The following RFX4 variants were observed in gnomAD, a reference collection of about 807,000 sequenced individuals.
The protein encoded by RFX4 is regulatory factor X4, also known as transcription factor RFX4.
RFX4 carries 10 observed loss-of-function variants against 95.0 expected under a neutral mutation model. That is an observed-to-expected ratio of 0.11 (90% confidence interval 0.06 to 0.18). The LOEUF (loss-of-function observed/expected upper bound fraction) is 0.18, where lower values mean the gene tolerates loss of function less well. RFX4 is among the 10% of genes least tolerant of loss of function. The pLI is 1.00. For synonymous variants in RFX4, 321 were observed against 340.7 expected (o/e 0.94, Z 0.64); for missense variants, 640 against 922.0 (o/e 0.69, Z 3.96).
chr12:106,603,198 C>T (rs958059453), intron 1 of RFX4, among the ~76,000 whole-genome samples: 5 of 152,202 alleles, frequency 3.3e-5, no homozygotes, highest in African/African-American at 1.2e-4. Context: ...TAGGCCCTCC[C>T]TGCCAGGTCA....
chr12:106,748,819 C>G (rs937757005), intron 16 of RFX4, among the ~76,000 whole-genome samples: 1 of 152,062 alleles, frequency 6.6e-6, no homozygotes, highest in African/African-American at 2.4e-5. Flanking sequence ...GGCGCAGTGG[C>G]TCACACCTGT....
chr12:106,690,266 A>G (rs556353475), intron 7 of RFX4, among the ~76,000 whole-genome samples: 10 of 152,234 alleles, frequency 6.6e-5, no homozygotes, highest in Non-Finnish European at 1.3e-4. Context: ...GTAAAGAAGT[A>G]CTGTTCTTCC....
intron 15 of RFX4, among the ~76,000 whole-genome samples, chr12:106,743,271 A>G (rs1429115536): frequency 6.6e-6 from 1 of 152,240 alleles, no homozygotes; most frequent in Non-Finnish European, 1.5e-5. Flanking sequence ...GAATTGTCTT[A>G]AAAACTAAGC....
Position 106,720,955 on chromosome 12 carries a change from A to C in RFX4, c.1351+79A>C. 2 of 1,241,064 alleles carry C rather than the reference A, an allele frequency of 1.6e-6. No individual in the cohort carries two copies. Among genetic ancestry groups the C allele is most frequent in the Non-Finnish European group, 2.4e-6 (2 of 849,086 alleles). 76.9% of individuals were successfully genotyped at this position (1,241,064 alleles called of 1,614,324 possible). A position where few individuals can be genotyped will look rare whatever the true frequency, so the allele number is the denominator to read the frequency against. On this transcript the variant is annotated intron_variant, in intron 13 of 17. Coordinates refer to ENST00000392842, the MANE Select transcript of RFX4 (RefSeq NM_213594.3). This position sits in a 1 kb window ranked among gnomAD's most constrained non-coding sequence, Gnocchi z 4.2. ...AGCCCAGAGGAATCTACCACAGTCTAACTTGCTGTTTCTGCAAGGTCATCA... is the reference window on the plus strand; with the variant it reads ...AGCCCAGAGGAATCTACCACAGTCTCACTTGCTGTTTCTGCAAGGTCATCA...
At chr12:106,646,612 G>A (rs1472244040) in intron 3 of RFX4, among the ~76,000 whole-genome samples, 2 of 152,002 alleles carry the variant, frequency 1.3e-5, no homozygotes, top group African/African-American at 4.8e-5. Context: ...CATTACAATG[G>A]CAGGAATAAA....
intron 8 of RFX4, among the ~76,000 whole-genome samples, chr12:106,699,530 G>T (rs1460391573): frequency 6.6e-6 from 1 of 152,064 alleles, no homozygotes; most frequent in East Asian, 1.9e-4. Context: ...TTGTGAATTT[G>T]TCTATTTCTA....
At chr12:106,732,354 A>G in intron 14 of RFX4, 105 bp downstream of exon 14, 3 of 1,465,612 alleles carry the variant, frequency 2.0e-6, no homozygotes, top group Non-Finnish European at 2.8e-6. Flanking sequence ...GAATTTAGTT[A>G]TGGTGAACAG....
rs543146322 is a variant in RFX4 at position 106,607,632 on chromosome 12, G to A, written c.44-1165G>A. On this transcript the variant is annotated intron_variant, in intron 1 of 17. Coordinates refer to ENST00000392842, the MANE Select transcript of RFX4 (RefSeq NM_213594.3). ...CTAATTTTTTTATGAAATAAATGGAGCATAAAAAGACACAAAGTTTGCACT... is the reference window on the plus strand; with the variant it reads ...CTAATTTTTTTATGAAATAAATGGAACATAAAAAGACACAAAGTTTGCACT... Among the ~76,000 whole-genome samples the A allele has an allele frequency of 4.7e-4, 72 of 152,244 alleles. 2 individuals are homozygous for A. In the South Asian group the frequency reaches 0.015, roughly 31 times the overall value.
chr12:106,623,458 T>C (rs567927852), intron 2 of RFX4, among the ~76,000 whole-genome samples: 1 of 152,330 alleles, frequency 6.6e-6, no homozygotes, highest in Admixed American at 6.5e-5. Flanking sequence ...TCATCACCCC[T>C]GCTTAGTGAT....
At chr12:106,591,466 C>G (rs1219077606) in intron 1 of RFX4, among the ~76,000 whole-genome samples, 1 of 151,976 alleles carries the variant, frequency 6.6e-6, no homozygotes, top group Non-Finnish European at 1.5e-5. Context: ...TGGGGTTTCA[C>G]TATGTTGGCC....
intron 15 of RFX4, among the ~76,000 whole-genome samples, chr12:106,734,973 G>T (rs1032674425): frequency 1.3e-5 from 2 of 151,014 alleles, no homozygotes; most frequent in Non-Finnish European, 2.9e-5. Context: ...AGGATCATTT[G>T]ATCGTAGGAG....
intron 4 of RFX4, among the ~76,000 whole-genome samples, chr12:106,671,401 G>A (rs541864606): frequency 6.8e-4 from 103 of 152,240 alleles, no homozygotes; most frequent in African/African-American, 2.3e-3. Flanking sequence ...CTCTGGGGGT[G>A]TCTCTTGAGG....
intron 2 of RFX4, among the ~76,000 whole-genome samples, chr12:106,627,773 AGAG>A (rs1170601757): frequency 2.0e-5 from 3 of 152,094 alleles, no homozygotes; most frequent in Non-Finnish European, 2.9e-5. Context: ...TCTGTTGTGG[AGAG>A]GAGAAGACTA....
intron 7 of RFX4, among the ~76,000 whole-genome samples, chr12:106,690,255 G>A (rs940475065): frequency 6.6e-6 from 1 of 152,076 alleles, no homozygotes; most frequent in African/African-American, 2.4e-5. Flanking sequence ...GGAGTGTGTT[G>A]GTAAAGAAGT....
intron 5 of RFX4, 26 bp downstream of exon 5, chr12:106,682,080 T>G (rs1197953348): frequency 6.2e-7 from 1 of 1,613,162 alleles, no homozygotes; most frequent in African/African-American, 1.3e-5. Context: ...CCATTCCACC[T>G]GCAGAGCGCA....
intron 1 of RFX4, among the ~76,000 whole-genome samples, chr12:106,599,283 G>A (rs2039665007): frequency 6.6e-6 from 1 of 151,904 alleles, no homozygotes; most frequent in Admixed American, 6.6e-5. Flanking sequence ...AGTGGGAAAG[G>A]GCAGCCACAT....
intron 5 of RFX4, among the ~76,000 whole-genome samples, chr12:106,686,552 C>T (rs533695915): frequency 2.2e-4 from 33 of 152,212 alleles, no homozygotes; most frequent in Middle Eastern, 3.4e-3. Flanking sequence ...TGCTGGTATC[C>T]CATTTGGCTA....
intron 1 of RFX4, among the ~76,000 whole-genome samples, chr12:106,599,151 A>C (rs1282684280): frequency 6.7e-6 from 1 of 149,200 alleles, no homozygotes; most frequent in Non-Finnish European, 1.5e-5. Flanking sequence ...CATCGTTGGG[A>C]GTTTCCTCGT....
chr12:106,587,009 C>A (rs966848242), intron 1 of RFX4, among the ~76,000 whole-genome samples: 1 of 152,200 alleles, frequency 6.6e-6, no homozygotes, highest in African/African-American at 2.4e-5. Context: ...GGGGCATGTG[C>A]GCCCCCATCT....
Sources: allele counts gnomAD v4.1 joint callset (sites outside exome capture counted in the v4.1 genomes callset), GRCh38; gene constraint gnomAD v4.1.1; non-coding constraint Gnocchi (gnomAD v3.1); transcripts MANE v1.5; gene names NCBI Gene and HGNC (gene_info 2026-07-23, HGNC 2026-07-21).